Variants in PAQR3 observed in about 807,000 individuals in gnomAD.
The protein encoded by PAQR3 is progestin and adipoQ receptor family member 3.
In PAQR3, 39 loss-of-function variants were observed where a neutral mutation model predicts 41.7. That is an observed-to-expected ratio of 0.93 (90% CI 0.72 to 1.22). The LOEUF is 1.22. Ranked by LOEUF, PAQR3 falls within the 50% of genes most tolerant of loss-of-function variation. The pLI, the probability that PAQR3 is intolerant of heterozygous loss-of-function variation, is 0.00. For missense variants in PAQR3, 366 were observed against 385.6 expected (o/e 0.95, Z 0.42); for synonymous variants, 140 against 140.6 (o/e 1.00, Z 0.03).
In PAQR3 at chr4:78,920,524, G is replaced by A. The variant is rs770648911; in HGVS notation, c.*15C>T. ...ATTGCTTAACAACTGAATTCACCAGGTGGCCATACCTAATTCACAAATGTG... is the reference window on the plus strand; with the variant it reads ...ATTGCTTAACAACTGAATTCACCAGATGGCCATACCTAATTCACAAATGTG... On this transcript the variant is annotated 3_prime_UTR_variant, in exon 6 of 6. Transcript: ENST00000512733. 1.2e-6 allele frequency: 2 copies of A among 1,601,112 alleles called. No homozygotes were observed. The highest frequency in any genetic ancestry group is 1.7e-6 in the Non-Finnish European group (2 of 1,173,814).
intron 11 of PAQR3, among the ~76,000 whole-genome samples, chr4:78,889,082 G>A (rs1214211106): frequency 2.0e-5 from 3 of 152,142 alleles, no homozygotes; most frequent in South Asian, 2.1e-4. Flanking sequence ...TCAGCCAGGC[G>A]TGGTGGTGGG....
chr4:78,910,892 T>G (rs1162182788), downstream of PAQR3: 4 of 1,613,840 alleles, frequency 2.5e-6, no homozygotes, highest in Non-Finnish European at 3.4e-6. Flanking sequence ...CCAGAAAATC[T>G]GGGTCATAGG....
intron 11 of PAQR3, among the ~76,000 whole-genome samples, chr4:78,890,234 T>G (rs573046848): frequency 6.2e-4 from 95 of 152,300 alleles, no homozygotes; most frequent in Non-Finnish European, 1.1e-3. Context: ...CTTAAACTCC[T>G]TAGAGGTAAT....
chr4:78,933,945 TTAA>T (rs1737169838), intron 2 of PAQR3, among the ~76,000 whole-genome samples: 1 of 152,160 alleles, frequency 6.6e-6, no homozygotes, highest in Admixed American at 6.6e-5. Flanking sequence ...CAGTTTTTAC[TTAA>T]TGATTATTAA....
Position 78,906,280 on chromosome 4 carries a change from A to T in PAQR3, c.*783-119T>A, listed in dbSNP as rs1734279340. Reference sequence around the variant, plus strand: ...AAAGTGTAGAGTGAAATATTTAAACAATGTCAGTGTGGGTTGCAAGAATAT... The same window carrying T: ...AAAGTGTAGAGTGAAATATTTAAACTATGTCAGTGTGGGTTGCAAGAATAT... On this transcript the variant is annotated intron_variant and NMD_transcript_variant, in intron 10 of 12. Coordinates refer to the PAQR3 transcript ENST00000342820. The T allele has an allele frequency of 2.0e-5, 3 of 152,228 alleles. No homozygotes were observed. In the South Asian group the frequency reaches 6.2e-4, roughly 32 times the overall value. 9.4% of individuals were successfully genotyped at this position (152,228 alleles called of 1,614,324 possible). A position where few individuals can be genotyped will look rare whatever the true frequency, so the allele number is the denominator to read the frequency against.
In PAQR3 at chr4:78,912,578, C is replaced by T. The variant is rs1734705483; in HGVS notation, c.*7961G>A. 1 of 151,990 alleles carries T rather than the reference C, an allele frequency of 6.6e-6. No homozygotes were observed. Among genetic ancestry groups the T allele is most frequent in the Non-Finnish European group, 1.5e-5 (1 of 68,088 alleles). 9.4% of individuals were successfully genotyped at this position (151,990 alleles called of 1,614,324 possible). A position where few individuals can be genotyped will look rare whatever the true frequency, so the allele number is the denominator to read the frequency against. ...TACACCTTTCTCCACAAAGCAGAGC[C>T]AGAAGTAACTGACTATTGTGCCTAA... On this transcript the variant is annotated 3_prime_UTR_variant, in exon 6 of 6. Coordinates refer to ENST00000512733, the MANE Select transcript of PAQR3 (RefSeq NM_001040202.2).
chr4:78,905,684 A>G (rs555932579), intron 11 of PAQR3, among the ~76,000 whole-genome samples: 1 of 152,164 alleles, frequency 6.6e-6, no homozygotes, highest in East Asian at 1.9e-4. Flanking sequence ...TTAGGCTTAT[A>G]CTTTTGGGAA....
intron 11 of PAQR3, among the ~76,000 whole-genome samples, chr4:78,896,020 C>T (rs546083914): frequency 2.5e-4 from 38 of 152,234 alleles, no homozygotes; most frequent in African/African-American, 8.7e-4. Context: ...TGGCCTCCCA[C>T]AATGCTGGGA....
downstream of PAQR3, chr4:78,911,624 G>A (rs1156649928): frequency 5.6e-6 from 9 of 1,613,832 alleles, no homozygotes; most frequent in East Asian, 2.2e-5. Context: ...AAAGTGGGCC[G>A]CCGAGACTCT....
intron 11 of PAQR3, among the ~76,000 whole-genome samples, chr4:78,894,823 G>A (rs546049862): frequency 6.6e-6 from 1 of 152,262 alleles, no homozygotes; most frequent in African/African-American, 2.4e-5. Context: ...TTGATTTAAA[G>A]TGACAGATGC....
rs1342484316 is a variant in PAQR3 at position 78,916,825 on chromosome 4, A to C, written c.*3714T>G. 1 of 151,952 alleles carries C rather than the reference A, an allele frequency of 6.6e-6. No homozygotes were observed. The highest frequency in any genetic ancestry group is 6.6e-5 in the Admixed American group (1 of 15,210). 9.4% of individuals were successfully genotyped at this position (151,952 alleles called of 1,614,324 possible). ...CAGAAAAGAGGCTATGACACATTAA[A>C]GAGAAAACCTATTTATTGGATTGAT... On this transcript the variant is annotated 3_prime_UTR_variant, in exon 6 of 6. Coordinates refer to ENST00000512733, the MANE Select transcript of PAQR3 (RefSeq NM_001040202.2).
At position 78,923,953 on chromosome 4, in the gene PAQR3, A is replaced by G. The variant is rs766112435; in HGVS notation, c.703-6T>C. 6.2e-7 allele frequency: 1 copy of G among 1,604,304 alleles called. No individual in the cohort carries two copies. The highest frequency in any genetic ancestry group is 8.5e-7 in the Non-Finnish European group (1 of 1,171,586). On this transcript the variant is annotated splice_region_variant and splice_polypyrimidine_tract_variant and intron_variant, in intron 4 of 5. Coordinates refer to ENST00000512733, the MANE Select transcript of PAQR3 (RefSeq NM_001040202.2). ...ATTACACGGGGTGCAAAGTCCTGAAAAGCAGAACATGTTTTTTTACAGATC... is the reference window on the plus strand; with the variant it reads ...ATTACACGGGGTGCAAAGTCCTGAAGAGCAGAACATGTTTTTTTACAGATC...
chr4:78,905,035 G>T (rs916138681), intron 11 of PAQR3, among the ~76,000 whole-genome samples: 3 of 151,652 alleles, frequency 2.0e-5, no homozygotes, highest in South Asian at 4.1e-4. Context: ...ATATATGAAT[G>T]TATTCCTATT....
rs778174533 is a variant in PAQR3, at chr4:78,920,553, CAT to C, written c.920_921del (p.Tyr307CysfsTer7). ...QYRHSKPCPDYVSHL is the reference protein window; with the variant it reads ...QYRHSKPCPDXVSHL ...CCATACCTAATTCACAAATGTGAAA[CAT>C]AGTCAGGACAAGGCTTGCTATGTCT... On this transcript the variant is annotated frameshift_variant, in exon 6 of 6. Coordinates refer to ENST00000512733, the MANE Select transcript of PAQR3 (RefSeq NM_001040202.2). LOFTEE classifies it high-confidence loss of function. 6.2e-6 allele frequency: 10 copies of C among 1,607,046 alleles called. No individual in the cohort carries two copies. The highest frequency in any genetic ancestry group is 1.7e-5 in the Admixed American group (1 of 59,160).
At chr4:78,910,696 G>A (rs376419752), downstream of PAQR3, 35 of 1,611,328 alleles carry the variant, frequency 2.2e-5, no homozygotes, top group Non-Finnish European at 2.9e-5. Context: ...AACAAGTCCA[G>A]CATCTAAAGA....
chr4:78,939,020 C>A lies in PAQR3; in HGVS notation c.185+20G>T, dbSNP rs1474307580. 7 of 1,556,694 alleles carry A rather than the reference C, an allele frequency of 4.5e-6. No homozygotes were observed. The highest frequency in any genetic ancestry group is 3.5e-5 in the South Asian group (3 of 86,722). On this transcript the variant is annotated intron_variant, in intron 1 of 5. Coordinates refer to ENST00000512733, the MANE Select transcript of PAQR3 (RefSeq NM_001040202.2). Reference sequence around the variant, plus strand: ...AGGTGAGAGAAGGGGGCACTCCAGGCGGAGGCAGCCAGACCGTACCTTTTG... The same window carrying A: ...AGGTGAGAGAAGGGGGCACTCCAGGAGGAGGCAGCCAGACCGTACCTTTTG...
intron 11 of PAQR3, among the ~76,000 whole-genome samples, chr4:78,894,338 G>A (rs1393681911): frequency 6.6e-6 from 1 of 152,186 alleles, no homozygotes; most frequent in African/African-American, 2.4e-5. Flanking sequence ...TTTCTGTATT[G>A]AAAATCTGTT....
At chr4:78,891,008 G>T (rs1229551404) in intron 11 of PAQR3, among the ~76,000 whole-genome samples, 1 of 152,120 alleles carries the variant, frequency 6.6e-6, no homozygotes, top group Non-Finnish European at 1.5e-5. Flanking sequence ...AGACCAGTCT[G>T]GGTGACATAG....
At chr4:78,911,670 C>G (rs770818758), downstream of PAQR3, 7 of 1,613,886 alleles carry the variant, frequency 4.3e-6, no homozygotes, top group South Asian at 7.7e-5. Flanking sequence ...TCTCAGACTC[C>G]AAGGAGAACA....
Sources: gnomAD v4.1 joint callset for allele counts (sites outside exome capture counted in the v4.1 genomes callset) on GRCh38, gnomAD v4.1.1 for gene constraint, MANE v1.5 for transcripts, NCBI Gene and HGNC (gene_info 2026-07-23, HGNC 2026-07-21) for gene names.